CAMTA1: variants seen among roughly 807,000 people sequenced by gnomAD.
CAMTA1 encodes the protein calmodulin binding transcription activator 1, also known as calmodulin-binding transcription activator 1.
CAMTA1 carries 27 observed loss-of-function variants against 170.9 expected under a neutral mutation model. The ratio of observed to expected loss-of-function variants is 0.16; its 90% confidence interval spans 0.12 to 0.22. The LOEUF (loss-of-function observed/expected upper bound fraction) is 0.22. Ranked by LOEUF, CAMTA1 falls within the 10% of genes least tolerant of loss-of-function variation. The pLI is 1.00. For synonymous variants in CAMTA1, 833 were observed against 891.5 expected, an observed-to-expected ratio of 0.93 and a Z score of 1.17; for missense variants, 1,619 against 2,217.2, an observed-to-expected ratio of 0.73 and a Z score of 5.42.
At chr1:7,420,261 G>T (rs1324867524) in intron 5 of CAMTA1, among the ~76,000 whole-genome samples, 1 of 150,794 alleles carries the variant, frequency 6.6e-6, no homozygotes, top group Non-Finnish European at 1.5e-5. Flanking sequence ...CCCTCTGTCT[G>T]GGTAGGCTGA....
rs571521269 is a variant in CAMTA1 at position 7,543,589 on chromosome 1, G to A, written c.510+75688G>A. The stretch of plus-strand genomic sequence containing the variant: ...CTGAAAATGTCAAATCCTGGAAAAC[G>A]CAGCATTTCTACATGTGATGTTAAC... On this transcript the variant is annotated intron_variant, in intron 6 of 22. Transcript: ENST00000303635. 2.3e-3 allele frequency among the ~76,000 whole-genome samples: 353 copies of A among 152,274 alleles called. 3 individuals are homozygous for A. The Middle Eastern group carries it at 0.031, about 13-fold the overall frequency.
intron 6 of CAMTA1, among the ~76,000 whole-genome samples, chr1:7,611,979 TGGGCAG>T (rs957353191): frequency 2.0e-5 from 3 of 152,146 alleles, no homozygotes; most frequent in African/African-American, 7.2e-5. Context: ...TGCACAGAGA[TGGGCAG>T]GGGCAGGAGC....
In CAMTA1 at chr1:6,872,136, G is replaced by A. The variant is rs866756893; in HGVS notation, c.234+46926G>A. Reference sequence around the variant, plus strand: ...GAAGCTGAATTAACTTGATATTTACGTATAACTTACACACACCCAGGACAC... The same window carrying A: ...GAAGCTGAATTAACTTGATATTTACATATAACTTACACACACCCAGGACAC... On this transcript the variant is annotated intron_variant, in intron 3 of 22. Coordinates refer to ENST00000303635, the MANE Select transcript of CAMTA1 (RefSeq NM_015215.4). 27 of 321,088 alleles carry A rather than the reference G, an allele frequency of 8.4e-5. 1 individual carries two copies. The highest frequency in any genetic ancestry group is 1.4e-3 in the Middle Eastern group (1 of 708). 19.9% of individuals were successfully genotyped at this position (321,088 alleles called of 1,614,324 possible). A position where few individuals can be genotyped will look rare whatever the true frequency, so the allele number is the denominator to read the frequency against.
chr1:7,066,579 T>G (rs966459774), intron 3 of CAMTA1, among the ~76,000 whole-genome samples: 3 of 152,232 alleles, frequency 2.0e-5, no homozygotes, highest in Non-Finnish European at 4.4e-5. Context: ...CTGGATGGAT[T>G]TGGTAGAACT....
At chr1:6,790,959 C>G (rs1640924302) in intron 1 of CAMTA1, among the ~76,000 whole-genome samples, 1 of 152,102 alleles carries the variant, frequency 6.6e-6, no homozygotes, top group African/African-American at 2.4e-5. Context: ...TGTGAAAACT[C>G]CTGTGTGAGG....
intron 5 of CAMTA1, among the ~76,000 whole-genome samples, chr1:7,284,356 A>G (rs1672042127): frequency 6.6e-6 from 1 of 151,810 alleles, no homozygotes; most frequent in Admixed American, 6.6e-5. Context: ...GGCCCGTGCC[A>G]CCAGGCCCAG....
At chr1:6,854,693 AAGAC>A in intron 3 of CAMTA1, among the ~76,000 whole-genome samples, 1 of 152,316 alleles carries the variant, frequency 6.6e-6, no homozygotes, top group Non-Finnish European at 1.5e-5. Flanking sequence ...CATACTTACA[AAGAC>A]AGGTTTAATA....
In CAMTA1 at chr1:7,673,295, G is replaced by C. The variant is rs942438327; in HGVS notation, c.2779+2258G>C. On this transcript the variant is annotated intron_variant, in intron 10 of 22. Transcript: ENST00000303635. The surrounding 1 kb of genome is among the most constrained non-coding windows in gnomAD (Gnocchi z 4.6). ...CAGCCAGAAACCATCCCTGTTGCTG[G>C]AGCTCAGTGCCTGACCTCTCTGGGC... Among the ~76,000 whole-genome samples, 36 of 152,254 alleles carry C rather than the reference G, an allele frequency of 2.4e-4. No homozygotes were observed. Among genetic ancestry groups the C allele is most frequent in the African/African-American group, 8.0e-4 (33 of 41,466 alleles).
intron 4 of CAMTA1, among the ~76,000 whole-genome samples, chr1:7,241,950 C>A (rs918155330): frequency 6.6e-6 from 1 of 151,950 alleles, no homozygotes; most frequent in African/African-American, 2.4e-5. Flanking sequence ...TAAATTGGAA[C>A]TTACCAAAGG....
intron 6 of CAMTA1, among the ~76,000 whole-genome samples, chr1:7,520,671 T>A (rs185779585): frequency 1.6e-4 from 25 of 152,040 alleles, no homozygotes; most frequent in African/African-American, 5.3e-4. Flanking sequence ...GGCTGCAGAG[T>A]TGGGCGGTGG....
intron 4 of CAMTA1, among the ~76,000 whole-genome samples, chr1:7,102,502 G>A (rs17030312): frequency 0.045 from 6,875 of 152,254 alleles, 528 homozygotes; most frequent in African/African-American, 0.16. Context: ...TGGTGCCTAG[G>A]CCGAGGGATC....
Position 7,597,814 on chromosome 1 carries a change from A to G in CAMTA1, c.511-42586A>G, listed in dbSNP as rs114023231. 5.1e-3 allele frequency among the ~76,000 whole-genome samples: 775 copies of G among 152,172 alleles called. 5 individuals are homozygous for G. Among genetic ancestry groups the G allele is most frequent in the African/African-American group, 0.018 (744 of 41,496 alleles). ...TTACCCAAAGTCTAGTGATTTAAATATATTTTTTAAATTTTTTTAAATTTT... is the reference window on the plus strand; with the variant it reads ...TTACCCAAAGTCTAGTGATTTAAATGTATTTTTTAAATTTTTTTAAATTTT... On this transcript the variant is annotated intron_variant, in intron 6 of 22. Transcript: ENST00000303635.
intron 3 of CAMTA1, among the ~76,000 whole-genome samples, chr1:6,947,176 C>T (rs1687709414): frequency 6.6e-6 from 1 of 152,154 alleles, no homozygotes; most frequent in Admixed American, 6.5e-5. Flanking sequence ...TCTGTATGTC[C>T]ACCCTTATGC....
In CAMTA1 at chr1:7,565,297, G is replaced by T. The variant is rs1044560000; in HGVS notation, c.511-75103G>T. On this transcript the variant is annotated intron_variant, in intron 6 of 22. Coordinates refer to ENST00000303635, the MANE Select transcript of CAMTA1 (RefSeq NM_015215.4). This position sits in a 1 kb window ranked among gnomAD's most constrained non-coding sequence, Gnocchi z 4.5. The stretch of plus-strand genomic sequence containing the variant: ...AGTGGGCGCTGCCTTTGGGGCCCAC[G>T]GGCCTATGGGGATGGGAGTGAGGCA... Among the ~76,000 whole-genome samples, 2 of 152,148 alleles carry T rather than the reference G, an allele frequency of 1.3e-5. No individual in the cohort carries two copies. The highest frequency in any genetic ancestry group is 6.5e-5 in the Admixed American group (1 of 15,286).
At chr1:7,441,956 G>A (rs965056444) in intron 5 of CAMTA1, among the ~76,000 whole-genome samples, 8 of 152,092 alleles carry the variant, frequency 5.3e-5, no homozygotes, top group Non-Finnish European at 8.8e-5. Context: ...CGATTCCGGC[G>A]GTTTCAGAGG....
chr1:6,987,357 G>A (rs1695536149), intron 3 of CAMTA1, among the ~76,000 whole-genome samples: 2 of 152,194 alleles, frequency 1.3e-5, no homozygotes, highest in African/African-American at 4.8e-5. Flanking sequence ...TAGAGACGGA[G>A]TTTCACCATG....
At chr1:7,301,462 T>A (rs1674748422) in intron 5 of CAMTA1, among the ~76,000 whole-genome samples, 1 of 152,238 alleles carries the variant, frequency 6.6e-6, no homozygotes, top group Non-Finnish European at 1.5e-5. Context: ...TTCCCAGCCC[T>A]TGTTGATGAC....
At chr1:6,796,054 C>T (rs1168108597) in intron 1 of CAMTA1, among the ~76,000 whole-genome samples, 1 of 148,448 alleles carries the variant, frequency 6.7e-6, no homozygotes, top group African/African-American at 2.5e-5. Flanking sequence ...GTGTTGTGAA[C>T]ATATTGACAC....
chr1:7,312,984 G>A (rs1231821832), intron 5 of CAMTA1, among the ~76,000 whole-genome samples: 2 of 151,816 alleles, frequency 1.3e-5, no homozygotes, highest in African/African-American at 2.4e-5. Context: ...TTTCTATCTC[G>A]TTACTCCTTT....
Sources: allele counts gnomAD v4.1 joint callset (sites outside exome capture counted in the v4.1 genomes callset), GRCh38; gene constraint gnomAD v4.1.1; non-coding constraint Gnocchi (gnomAD v3.1); transcripts MANE v1.5; gene names NCBI Gene and HGNC (gene_info 2026-07-23, HGNC 2026-07-21).